CCSER1: variants seen among roughly 807,000 people sequenced by gnomAD.
CCSER1 encodes the protein coiled-coil serine rich protein 1.
A neutral mutation model predicts 82.0 loss-of-function variants in CCSER1; 41 were observed. The ratio of observed to expected loss-of-function variants is 0.50; its 90% CI spans 0.39 to 0.65. CCSER1 has a LOEUF of 0.65. Ranked by LOEUF, CCSER1 falls within the 30% of genes least tolerant of loss-of-function variation. The pLI, the probability that CCSER1 is intolerant of heterozygous loss-of-function variation, is 0.00. For synonymous variants in CCSER1, 414 were observed against 383.9 expected (o/e 1.08, Z -0.92); for missense variants, 1,119 against 1,064.2 (o/e 1.05, Z -0.72).
intron 10 of CCSER1, among the ~76,000 whole-genome samples, chr4:91,157,801 C>G (rs189712261): frequency 6.6e-5 from 10 of 151,954 alleles, no homozygotes; most frequent in African/African-American, 2.4e-4. Context: ...TTACAGGTAG[C>G]ATAATAAATG....
chr4:90,527,644 C>T (rs1254719717), intron 5 of CCSER1, among the ~76,000 whole-genome samples: 1 of 151,898 alleles, frequency 6.6e-6, no homozygotes, highest in African/African-American at 2.4e-5. Context: ...TTTATATTAG[C>T]TAAAATAAAA....
At chr4:90,881,900 A>G (rs1721387084) in intron 8 of CCSER1, among the ~76,000 whole-genome samples, 1 of 152,186 alleles carries the variant, frequency 6.6e-6, no homozygotes, top group Non-Finnish European at 1.5e-5. Flanking sequence ...GCTGAACTGC[A>G]GGAGAAGCAG....
intron 7 of CCSER1, chr4:90,725,048 G>T: frequency 2.3e-6 from 1 of 432,692 alleles, no homozygotes. Flanking sequence ...CCTGCTAATT[G>T]TTAAATACTG....
chr4:91,588,076 TATA>T (rs1011564865), intron 10 of CCSER1, among the ~76,000 whole-genome samples: 18 of 151,598 alleles, frequency 1.2e-4, no homozygotes, highest in African/African-American at 4.4e-4. Flanking sequence ...TGACTCTCAT[TATA>T]TTTTGTGCTT....
chr4:91,304,045 C>A (rs1744868090), intron 10 of CCSER1, among the ~76,000 whole-genome samples: 1 of 151,856 alleles, frequency 6.6e-6, no homozygotes, highest in South Asian at 2.1e-4. Context: ...TGTGGTAGCA[C>A]CCTTCCTGAG....
intron 10 of CCSER1, among the ~76,000 whole-genome samples, chr4:91,155,328 G>A (rs921720537): frequency 1.3e-5 from 2 of 151,904 alleles, no homozygotes; most frequent in Admixed American, 6.5e-5. Flanking sequence ...CTGCTGCCAT[G>A]TAAGATGGCT....
intron 6 of CCSER1, among the ~76,000 whole-genome samples, chr4:90,638,939 A>G (rs531337682): frequency 1.3e-5 from 2 of 152,076 alleles, no homozygotes; most frequent in Non-Finnish European, 2.9e-5. Flanking sequence ...AAGTTGATTA[A>G]TGTTTTCTTA....
chr4:91,177,529 C>A (rs1436241427), intron 10 of CCSER1, among the ~76,000 whole-genome samples: 1 of 152,156 alleles, frequency 6.6e-6, no homozygotes, highest in African/African-American at 2.4e-5. Flanking sequence ...GATTCAACTT[C>A]TTCCTGGTTT....
intron 4 of CCSER1, among the ~76,000 whole-genome samples, chr4:90,448,447 ATATATATATATATATAT>A (rs1760979450): frequency 4.2e-5 from 3 of 71,108 alleles, no homozygotes; most frequent in Admixed American, 2.5e-4. Context: ...TGAATTGAAT[ATATATATATATATATAT>A]ATATATATAT....
At chr4:90,615,520 C>T (rs1721020291) in intron 5 of CCSER1, among the ~76,000 whole-genome samples, 1 of 152,072 alleles carries the variant, frequency 6.6e-6, no homozygotes, top group Admixed American at 6.6e-5. Context: ...TGGATGACTT[C>T]AAGGGGTTCA....
intron 10 of CCSER1, among the ~76,000 whole-genome samples, chr4:91,496,848 TA>T (rs1758939605): frequency 8.2e-6 from 1 of 121,998 alleles, no homozygotes; most frequent in Non-Finnish European, 1.7e-5. Flanking sequence ...AATATATATA[TA>T]TTCAAATATA....
At chr4:91,486,256 G>A (rs1209147525) in intron 10 of CCSER1, among the ~76,000 whole-genome samples, 2 of 151,648 alleles carry the variant, frequency 1.3e-5, no homozygotes, top group Non-Finnish European at 2.9e-5. Flanking sequence ...AAATTATAGG[G>A]CCTTCAGCTA....
chr4:91,242,146 G>GA (rs941900698), intron 10 of CCSER1, among the ~76,000 whole-genome samples: 10 of 150,220 alleles, frequency 6.7e-5, no homozygotes, highest in South Asian at 2.1e-4. Context: ...CAGATATTTG[G>GA]AAAAAAAAAG....
At chr4:91,293,781 T>C (rs1017055961) in intron 10 of CCSER1, among the ~76,000 whole-genome samples, 4 of 152,008 alleles carry the variant, frequency 2.6e-5, no homozygotes, top group African/African-American at 9.7e-5. Context: ...TGTCAAGGAA[T>C]AGCCAAAAGA....
chr4:91,497,402 G>T (rs968550200), intron 10 of CCSER1, among the ~76,000 whole-genome samples: 2 of 151,576 alleles, frequency 1.3e-5, no homozygotes, highest in African/African-American at 4.8e-5. Flanking sequence ...TTAGGGAAGA[G>T]AAATCAATAT....
intron 4 of CCSER1, among the ~76,000 whole-genome samples, chr4:90,423,828 G>T (rs941765482): frequency 1.1e-4 from 17 of 151,640 alleles, no homozygotes; most frequent in Non-Finnish European, 2.9e-5. Flanking sequence ...ATTGGGCTGG[G>T]CGTGGTGGCT....
At chr4:91,209,921 G>A (rs1036024953) in intron 10 of CCSER1, among the ~76,000 whole-genome samples, 7 of 151,610 alleles carry the variant, frequency 4.6e-5, no homozygotes, top group African/African-American at 9.7e-5. Context: ...TAGAAACAGC[G>A]TGCCTCAGTG....
intron 6 of CCSER1, among the ~76,000 whole-genome samples, chr4:90,666,959 A>G (rs190607262): frequency 2.0e-5 from 3 of 152,346 alleles, no homozygotes; most frequent in Admixed American, 6.5e-5. Context: ...AATAACTCTA[A>G]TAATCTCTTG....
intron 5 of CCSER1, among the ~76,000 whole-genome samples, chr4:90,485,391 C>T (rs968579092): frequency 6.6e-6 from 1 of 152,168 alleles, no homozygotes; most frequent in Non-Finnish European, 1.5e-5. Flanking sequence ...CCTGCACCCA[C>T]TGTCTGGCAC....
Sources: allele counts gnomAD v4.1 joint callset (sites outside exome capture counted in the v4.1 genomes callset), GRCh38; gene constraint gnomAD v4.1.1; transcripts MANE v1.5; gene names NCBI Gene and HGNC (gene_info 2026-07-23, HGNC 2026-07-21).